RUNX3: variants seen among roughly 807,000 people sequenced by gnomAD.
RUNX3 encodes RUNX family transcription factor 3, also known as runt-related transcription factor 3.
In RUNX3, 10 loss-of-function variants were observed where a neutral mutation model predicts 27.7. The observed-to-expected ratio is 0.36, with a 90% CI of 0.22 to 0.61. The LOEUF (loss-of-function observed/expected upper bound fraction) is 0.61. Ranked by LOEUF, RUNX3 falls within the 20% of genes least tolerant of loss-of-function variation. The pLI, the probability that RUNX3 is intolerant of heterozygous loss-of-function variation, is 0.72. For synonymous variants in RUNX3, 270 were observed against 269.2 expected, an observed-to-expected ratio of 1.00 and a Z score of -0.03; for missense variants, 469 against 629.5, an observed-to-expected ratio of 0.75 and a Z score of 2.73.
chr1:24,956,173 G>A (rs1357625599), intron 2 of RUNX3, among the ~76,000 whole-genome samples: 1 of 152,260 alleles, frequency 6.6e-6, no homozygotes, highest in Non-Finnish European at 1.5e-5. Context: ...GGCCAGCAGG[G>A]CCTTGCCTGG....
At chr1:24,951,343 C>G (rs1310935817) in intron 2 of RUNX3, among the ~76,000 whole-genome samples, 3 of 152,164 alleles carry the variant, frequency 2.0e-5, no homozygotes, top group Non-Finnish European at 4.4e-5. Context: ...GGCCCTGTCC[C>G]TCTCTCTCTG....
Position 24,904,222 on chromosome 1 carries a change from G to C in RUNX3, c.704-1556C>G, listed in dbSNP as rs920182433. On this transcript the variant is annotated intron_variant, in intron 4 of 4. Coordinates refer to ENST00000308873, the MANE Select transcript of RUNX3 (RefSeq NM_004350.3). The surrounding 1 kb of genome is among the most constrained non-coding windows in gnomAD (Gnocchi z 5.7). ...GAGTGGGCTCTGCCTGCCACGCCGA[G>C]GCTTGGCTGAGGACGGAGAGCTATG... 2.6e-5 allele frequency among the ~76,000 whole-genome samples: 4 copies of C among 152,226 alleles called. No individual in the cohort carries two copies. The South Asian group carries it at 8.3e-4, about 32-fold the overall frequency.
At position 24,929,383 on chromosome 1, in the gene RUNX3, A is replaced by G. The variant is rs1404845913; in HGVS notation, c.282+204T>C. The G allele has an allele frequency of 4.2e-6, 3 of 706,240 alleles. No homozygotes were observed. The Admixed American group carries it at 6.0e-5, about 14-fold the overall frequency. The allele number at this position is 706,240 out of a possible 1,614,324, so 43.7% of individuals were successfully genotyped here. Reference sequence around the variant, plus strand: ...CCAGGTGGAGCGGGGCAACCCCGTTAAAAGTCATTCCTGCAGGGCGCATCC... The same window carrying G: ...CCAGGTGGAGCGGGGCAACCCCGTTGAAAGTCATTCCTGCAGGGCGCATCC... On this transcript the variant is annotated intron_variant, in intron 1 of 4. Coordinates refer to ENST00000308873, the MANE Select transcript of RUNX3 (RefSeq NM_004350.3).
Position 24,907,284 on chromosome 1 carries a change from G to A in RUNX3, c.678C>T (p.Ser226=). ...RGSLSTTSHF[S]SQPQTPIQGT... ...CTTGGATTGGGGTCTGGGGCTGGCT[G>A]CTGAAGTGGCTTGTGGTGCTGAGTG... The change falls in exon 4 of 5, where the codon AGC becomes AGT. Residue 226 remains serine, a synonymous_variant. Coordinates refer to ENST00000308873, the MANE Select transcript of RUNX3 (RefSeq NM_004350.3). The A allele has an allele frequency of 6.2e-7, 1 of 1,612,450 alleles. No homozygotes were observed.
rs113333570 is a variant in RUNX3 at position 24,902,042 on chromosome 1, G to A, written c.*80C>T. 1.2e-4 allele frequency: 165 copies of A among 1,346,182 alleles called. No individual in the cohort carries two copies. Among genetic ancestry groups the A allele is most frequent in the African/African-American group, 8.8e-5 (6 of 68,270 alleles). 83.4% of individuals were successfully genotyped at this position (1,346,182 alleles called of 1,614,324 possible). A position where few individuals can be genotyped will look rare whatever the true frequency, so the allele number is the denominator to read the frequency against. On this transcript the variant is annotated 3_prime_UTR_variant, in exon 5 of 5. Coordinates refer to ENST00000308873, the MANE Select transcript of RUNX3 (RefSeq NM_004350.3). This position sits in a 1 kb window ranked among gnomAD's most constrained non-coding sequence, Gnocchi z 9.2. ...TGGAGCGCAGGTCCCATTCCCGCCC[G>A]GAGCCTCGGAGCCGGCCCATCACTG...
intron 2 of RUNX3, among the ~76,000 whole-genome samples, chr1:24,951,506 C>T (rs1256672768): frequency 6.6e-6 from 1 of 152,144 alleles, no homozygotes; most frequent in South Asian, 2.1e-4. Context: ...AAACTGAAGC[C>T]CAGAGGAGGC....
chr1:24,939,291 A>G (rs1010413509), intron 2 of RUNX3, among the ~76,000 whole-genome samples: 2 of 152,226 alleles, frequency 1.3e-5, no homozygotes, highest in Non-Finnish European at 2.9e-5. Context: ...ATTCACTGGC[A>G]GCTCACACCC....
intron 3 of RUNX3, among the ~76,000 whole-genome samples, chr1:24,910,075 G>T (rs910305705): frequency 1.3e-5 from 2 of 152,174 alleles, no homozygotes; most frequent in African/African-American, 4.8e-5. Flanking sequence ...ACCTGAGTGA[G>T]GTCAGGAGTT....
At chr1:24,964,708 TTTTTG>T in intron 1 of RUNX3, 1 of 1,493,344 alleles carries the variant, frequency 6.7e-7, no homozygotes, top group Non-Finnish European at 8.9e-7. Flanking sequence ...TTTTTGTTGT[TTTTTG>T]TTTTGTTTTT....
At chr1:24,945,674 A>G (rs1229478304) in intron 2 of RUNX3, among the ~76,000 whole-genome samples, 1 of 152,186 alleles carries the variant, frequency 6.6e-6, no homozygotes, top group Non-Finnish European at 1.5e-5. Context: ...GGCTCATGGA[A>G]TGTTCTAATG....
chr1:24,944,465 T>A (rs1401037436), intron 2 of RUNX3, among the ~76,000 whole-genome samples: 4 of 152,200 alleles, frequency 2.6e-5, no homozygotes. Context: ...GCCACAGAGA[T>A]GTCCACATCC....
At chr1:24,939,774 C>T (rs922012131) in intron 2 of RUNX3, among the ~76,000 whole-genome samples, 1 of 152,234 alleles carries the variant, frequency 6.6e-6, no homozygotes, top group African/African-American at 2.4e-5. Context: ...GAGAGCCTGT[C>T]TTCCTGGTCC....
chr1:24,902,185 G>T lies in RUNX3; in HGVS notation c.1185C>A (p.Ser395Arg). Residue 395 changes from serine (S) to arginine (R), a missense_variant, in exon 5 of 5, where the codon AGC (serine) becomes AGA (arginine). Coordinates refer to ENST00000308873, the MANE Select transcript of RUNX3 (RefSeq NM_004350.3). This position sits in a 1 kb window ranked among gnomAD's most constrained non-coding sequence, Gnocchi z 9.2. ...SDGVEADGSH[S>R]NSPTALSTPG... ...GCGTGCTCAGGGCCGTGGGTGAGTT[G>T]CTGTGGCTGCCGTCGGCCTCCACGC... 1.3e-6 allele frequency: 2 copies of T among 1,570,376 alleles called. No homozygotes were observed.
chr1:24,924,016 C>T (rs978460068), intron 2 of RUNX3, among the ~76,000 whole-genome samples: 3 of 149,078 alleles, frequency 2.0e-5, no homozygotes, highest in African/African-American at 7.4e-5. Context: ...TGCCAGCACC[C>T]AACGCTGCCC....
chr1:24,941,001 T>G (rs763002421), intron 2 of RUNX3, among the ~76,000 whole-genome samples: 3 of 152,232 alleles, frequency 2.0e-5, no homozygotes, highest in Non-Finnish European at 4.4e-5. Context: ...ATAGAAAAAG[T>G]TCCCCTGCCC....
rs1571298437 is a variant in RUNX3 at position 24,902,700 on chromosome 1, T to C, written c.704-34A>G. On this transcript the variant is annotated intron_variant, in intron 4 of 4. Coordinates refer to ENST00000308873, the MANE Select transcript of RUNX3 (RefSeq NM_004350.3). This position sits in a 1 kb window ranked among gnomAD's most constrained non-coding sequence, Gnocchi z 9.2. ...CAGCAGGGAAGAGGTCAGTTCCAGC[T>C]CGAGACAACCCCAGGAGGGCTTCCT... 6.7e-7 allele frequency: 1 copy of C among 1,492,230 alleles called. No individual in the cohort carries two copies. The highest frequency in any genetic ancestry group is 2.3e-5 in the East Asian group (1 of 43,304). 92.4% of individuals were successfully genotyped at this position (1,492,230 alleles called of 1,614,324 possible). A position where few individuals can be genotyped will look rare whatever the true frequency, so the allele number is the denominator to read the frequency against.
chr1:24,939,737 G>A (rs561312976), intron 2 of RUNX3, among the ~76,000 whole-genome samples: 31 of 152,350 alleles, frequency 2.0e-4, no homozygotes, highest in South Asian at 1.0e-3. Flanking sequence ...AGTTTAACCC[G>A]CTCCCTCATT....
chr1:24,943,092 G>A lies in RUNX3; in HGVS notation c.59-13240C>T, dbSNP rs897095614. On this transcript the variant is annotated intron_variant, in intron 2 of 6. Transcript: ENST00000338888. The surrounding 1 kb of genome is among the most constrained non-coding windows in gnomAD (Gnocchi z 4.6). ...GGCAGCACCGGGAGCCGAGCCGGGT[G>A]TCATTGATCTTGCCCGGTGTTCCAG... 6.6e-6 allele frequency among the ~76,000 whole-genome samples: 1 copy of A among 152,268 alleles called. No individual in the cohort carries two copies. Among genetic ancestry groups the A allele is most frequent in the African/African-American group, 2.4e-5 (1 of 41,472 alleles).
At chr1:24,964,640 T>G in exon 2 of RUNX3, 1 of 1,551,370 alleles carries the variant, frequency 6.4e-7, no homozygotes, top group South Asian at 1.2e-5. Context: ...CTTGGTTGGC[T>G]GTTGTTTTAT....
Sources: gnomAD v4.1 joint callset for allele counts (sites outside exome capture counted in the v4.1 genomes callset) on GRCh38, gnomAD v4.1.1 for gene constraint, Gnocchi (gnomAD v3.1) non-coding constraint, MANE v1.5 for transcripts, NCBI Gene and HGNC (gene_info 2026-07-23, HGNC 2026-07-21) for gene names.